FAM171A1: variants seen among roughly 807,000 people sequenced by gnomAD.
The protein encoded by FAM171A1 is family with sequence similarity 171 member A1.
In FAM171A1, 23 loss-of-function variants were observed where a neutral mutation model predicts 74.9. That is an observed-to-expected ratio of 0.31 (90% CI 0.22 to 0.44). The LOEUF (loss-of-function observed/expected upper bound fraction) is 0.44, where lower values mean the gene tolerates loss of function less well. Among genes scored for constraint, FAM171A1 ranks in the 20% least tolerant of loss-of-function variants. The probability of loss-of-function intolerance (pLI) is 1.00; values close to 1 mark genes in which losing one functional copy is unlikely to be tolerated. For synonymous variants in FAM171A1, 527 were observed against 505.7 expected, an observed-to-expected ratio of 1.04 and a Z score of -0.57; for missense variants, 1,162 against 1,159.2, an observed-to-expected ratio of 1.00 and a Z score of -0.03.
chr10:15,253,468 A>G (rs191725277), intron 4 of FAM171A1, among the ~76,000 whole-genome samples: 2 of 152,334 alleles, frequency 1.3e-5, no homozygotes, highest in Non-Finnish European at 2.9e-5. Flanking sequence ...AGTTAATCAC[A>G]TCCTCATCAG....
chr10:15,373,271 T>A (rs142970337), upstream of FAM171A1, among the ~76,000 whole-genome samples: 19 of 152,276 alleles, frequency 1.2e-4, 1 homozygote, highest in African/African-American at 4.3e-4. Flanking sequence ...CCCTCCTTCT[T>A]CTGATTCCTG....
intron 1 of FAM171A1, among the ~76,000 whole-genome samples, chr10:15,364,082 C>T (rs1836030100): frequency 6.6e-6 from 1 of 152,160 alleles, no homozygotes; most frequent in South Asian, 2.1e-4. Flanking sequence ...CATTTCATTA[C>T]ATAAAGGCAG....
intron 1 of FAM171A1, among the ~76,000 whole-genome samples, chr10:15,336,370 T>C (rs975393004): frequency 2.0e-5 from 3 of 152,082 alleles, no homozygotes; most frequent in African/African-American, 7.2e-5. Context: ...ACAATATATT[T>C]GCCCTCTACA....
intron 5 of FAM171A1, among the ~76,000 whole-genome samples, chr10:15,229,088 C>G (rs1457240843): frequency 6.6e-6 from 1 of 152,158 alleles, no homozygotes; most frequent in Non-Finnish European, 1.5e-5. Context: ...AATCCCATTG[C>G]CAAAAGTTCT....
chr10:15,251,288 T>C (rs1169116691), intron 4 of FAM171A1, among the ~76,000 whole-genome samples: 2 of 152,174 alleles, frequency 1.3e-5, no homozygotes, highest in East Asian at 1.9e-4. Flanking sequence ...TGTGGGGAAT[T>C]ATATCTGCCT....
intron 5 of FAM171A1, among the ~76,000 whole-genome samples, chr10:15,243,476 A>G (rs1188294540): frequency 1.3e-5 from 2 of 152,188 alleles, no homozygotes. Context: ...AACTGTATAT[A>G]AAGTCCACCG....
intron 3 of FAM171A1, among the ~76,000 whole-genome samples, chr10:15,264,286 C>T (rs1448191005): frequency 6.6e-6 from 1 of 152,120 alleles, no homozygotes; most frequent in Non-Finnish European, 1.5e-5. Context: ...CTGGCCCAGG[C>T]TTTCTTTATA....
intron 3 of FAM171A1, among the ~76,000 whole-genome samples, chr10:15,263,647 C>CCTAAGA (rs2131780080): frequency 6.6e-6 from 1 of 152,234 alleles, no homozygotes; most frequent in Non-Finnish European, 1.5e-5. Context: ...ATCCTGTTAT[C>CCTAAGA]CTAAGACAGT....
Position 15,278,488 on chromosome 10 carries a change from G to A in FAM171A1, c.326-2541C>T, listed in dbSNP as rs374140147. Reference sequence around the variant, plus strand: ...GCATTATCCGTAACAGCCGAAAAGCGGAGACAACACACGTAAATGTCTATC... The same window carrying A: ...GCATTATCCGTAACAGCCGAAAAGCAGAGACAACACACGTAAATGTCTATC... On this transcript the variant is annotated intron_variant, in intron 2 of 7. Coordinates refer to ENST00000378116, the MANE Select transcript of FAM171A1 (RefSeq NM_001010924.2). Among the ~76,000 whole-genome samples the A allele has an allele frequency of 5.3e-5, 8 of 152,260 alleles. No individual in the cohort carries two copies. The South Asian group carries it at 8.3e-4, about 16-fold the overall frequency.
chr10:15,264,606 GA>G (rs1201286677), intron 3 of FAM171A1, among the ~76,000 whole-genome samples: 1 of 149,526 alleles, frequency 6.7e-6, no homozygotes, highest in Non-Finnish European at 1.5e-5. Context: ...GCAACATGGT[GA>G]AACCCTGTTT....
intron 5 of FAM171A1, among the ~76,000 whole-genome samples, chr10:15,237,933 C>T (rs975353277): frequency 4.6e-5 from 7 of 152,136 alleles, no homozygotes; most frequent in African/African-American, 1.7e-4. Context: ...GGCCTATTTC[C>T]AATAACAGCT....
chr10:15,227,516 C>G (rs556962125), intron 5 of FAM171A1, among the ~76,000 whole-genome samples: 5 of 152,276 alleles, frequency 3.3e-5, no homozygotes, highest in African/African-American at 1.2e-4. Flanking sequence ...CCAAATAGCT[C>G]AGACTACAGG....
intron 1 of FAM171A1, among the ~76,000 whole-genome samples, chr10:15,335,229 G>T (rs982986092): frequency 6.6e-6 from 1 of 152,180 alleles, no homozygotes; most frequent in Non-Finnish European, 1.5e-5. Context: ...GGGCGACAGA[G>T]TGAGACCCTG....
In FAM171A1 at chr10:15,213,872, G is replaced by A; in HGVS notation, c.1716C>T (p.Ser572=). The A allele has an allele frequency of 1.9e-6, 3 of 1,614,160 alleles. No homozygotes were observed. The highest frequency in any genetic ancestry group is 2.5e-6 in the Non-Finnish European group (3 of 1,180,040). Residue 572 remains serine (S), a synonymous_variant, in exon 8 of 8, where the codon AGC becomes AGT. Coordinates refer to ENST00000378116, the MANE Select transcript of FAM171A1 (RefSeq NM_001010924.2). The surrounding 1 kb of genome is among the most constrained non-coding windows in gnomAD (Gnocchi z 6.8). ...AGGCAGGCAGTACTTTCCTGTAAAC[G>A]CTGTCATTGACCTGGTCGACAGAAC... ...CCSSVDQVND[S]VYRKVLPALV... is the part of the protein sequence containing the mutation.
chr10:15,230,154 C>G (rs546772361), intron 5 of FAM171A1, among the ~76,000 whole-genome samples: 2 of 152,170 alleles, frequency 1.3e-5, no homozygotes, highest in Non-Finnish European at 2.9e-5. Flanking sequence ...AATAAAAAGC[C>G]ATCAGCCCTT....
rs569452603 is a variant in FAM171A1 at position 15,259,385 on chromosome 10, C to G, written c.419-4506G>C. The stretch of plus-strand genomic sequence containing the variant: ...GACTGTTCAAAGATACTACTCTAAT[C>G]ATGTCCTTTCCCTGCCCAGAAACCA... On this transcript the variant is annotated intron_variant, in intron 3 of 7. Transcript: ENST00000378116. 9.9e-4 allele frequency among the ~76,000 whole-genome samples: 151 copies of G among 152,230 alleles called. 1 individual carries two copies. The highest frequency in any genetic ancestry group is 1.9e-3 in the Admixed American group (29 of 15,286).
At position 15,249,427 on chromosome 10, in the gene FAM171A1, T is replaced by C. The variant is rs986699818; in HGVS notation, c.578-612A>G. 3.9e-5 allele frequency among the ~76,000 whole-genome samples: 6 copies of C among 152,206 alleles called. No individual in the cohort carries two copies. In the East Asian group the frequency reaches 1.2e-3, roughly 29 times the overall value. On this transcript the variant is annotated intron_variant, in intron 4 of 7. Transcript: ENST00000378116. Reference sequence around the variant, plus strand: ...GCTTGCTATTTTTCATTATTGTGTTTTGCTTTCAAAAACGATCTCAAAAGA... The same window carrying C: ...GCTTGCTATTTTTCATTATTGTGTTCTGCTTTCAAAAACGATCTCAAAAGA...
intron 1 of FAM171A1, among the ~76,000 whole-genome samples, chr10:15,345,806 C>A (rs6602843): frequency 0.88 from 133,595 of 152,164 alleles, 58,688 homozygotes; most frequent in East Asian, 1. Context: ...AAGAAGACTA[C>A]GAAAGGACAG....
chr10:15,224,622 A>G (rs1221644738), intron 5 of FAM171A1, among the ~76,000 whole-genome samples: 1 of 152,122 alleles, frequency 6.6e-6, no homozygotes. Context: ...GTGATAGTGA[A>G]TAAGTCTCAG....
Sources: allele counts gnomAD v4.1 joint callset (sites outside exome capture counted in the v4.1 genomes callset), GRCh38; gene constraint gnomAD v4.1.1; non-coding constraint Gnocchi (gnomAD v3.1); transcripts MANE v1.5; gene names NCBI Gene and HGNC (gene_info 2026-07-23, HGNC 2026-07-21).